FAM162B: variants seen among roughly 807,000 people sequenced by gnomAD.
The protein encoded by FAM162B is protein FAM162B.
Under a neutral mutation model 20.0 loss-of-function variants are expected in FAM162B, and 16 were observed. That is an observed-to-expected ratio of 0.80 (90% CI 0.54 to 1.21). FAM162B has a LOEUF of 1.21. Ranked by LOEUF, FAM162B falls within the 50% of genes most tolerant of loss-of-function variation. The pLI is 0.00. For synonymous variants in FAM162B, 83 were observed against 89.7 expected, an observed-to-expected ratio of 0.93 and a Z score of 0.42; for missense variants, 260 against 227.5, an observed-to-expected ratio of 1.14 and a Z score of -0.92.
At chr6:116,757,754 CAAA>C (rs36020350) in intron 3 of FAM162B, among the ~76,000 whole-genome samples, 23 of 103,124 alleles carry the variant, frequency 2.2e-4, no homozygotes, top group Admixed American at 2.3e-4. Flanking sequence ...CCTCCTCCAC[CAAA>C]AAAAAAAAAA....
chr6:116,754,819 A>C (rs1780035379), intron 3 of FAM162B, among the ~76,000 whole-genome samples: 1 of 152,184 alleles, frequency 6.6e-6, no homozygotes, highest in Non-Finnish European at 1.5e-5. Flanking sequence ...TAATTTTTGC[A>C]ATATTTCAAA....
chr6:116,760,732 T>G (rs183554258), intron 3 of FAM162B, among the ~76,000 whole-genome samples: 1 of 152,322 alleles, frequency 6.6e-6, no homozygotes, highest in East Asian at 1.9e-4. Context: ...TCAAAATTTC[T>G]CATTTGGTGA....
chr6:116,764,354 C>T (rs1219989906), intron 2 of FAM162B, among the ~76,000 whole-genome samples: 1 of 151,984 alleles, frequency 6.6e-6, no homozygotes, highest in Admixed American at 6.6e-5. Flanking sequence ...TTTTAGTTTC[C>T]GTCCCTCTCT....
At chr6:116,753,987 G>A (rs1780024164) in intron 3 of FAM162B, among the ~76,000 whole-genome samples, 1 of 152,192 alleles carries the variant, frequency 6.6e-6, no homozygotes, top group Admixed American at 6.5e-5. Flanking sequence ...TCACTTCAGA[G>A]CTTCTGAGGA....
chr6:116,765,119 T>A, intron 2 of FAM162B, 28 bp downstream of exon 2: 1 of 1,606,584 alleles, frequency 6.2e-7, no homozygotes. Flanking sequence ...GGACCGACTC[T>A]CCTTCGCGCG....
chr6:116,762,286 T>C (rs550676310), intron 2 of FAM162B, among the ~76,000 whole-genome samples: 1 of 152,324 alleles, frequency 6.6e-6, no homozygotes, highest in African/African-American at 2.4e-5. Flanking sequence ...ATTCAGATCT[T>C]AAATTAATGT....
At position 116,765,497 on chromosome 6, in the gene FAM162B, G is replaced by A. The variant is rs1376027204; in HGVS notation, c.80C>T (p.Ala27Val). ...AAGAGCCGGTGCGGGCCGTCGCGTG[G>A]CCTCGAGAGGCGCCCCGGGGCCGCA... Reference protein sequence around the residue: ...VRCGPGAPLEATRRPAPALPP... With the variant: ...VRCGPGAPLEVTRRPAPALPP... Residue 27 changes from alanine (A) to valine (V), a missense_variant, in exon 1 of 4, where the codon GCC becomes GTC. Coordinates refer to ENST00000368557, the MANE Select transcript of FAM162B (RefSeq NM_001085480.3). 4.3e-6 allele frequency: 6 copies of A among 1,403,110 alleles called. No individual in the cohort carries two copies. In the South Asian group the frequency reaches 6.4e-5, roughly 15 times the overall value. The allele number at this position is 1,403,110 out of a possible 1,614,324, so 86.9% of individuals were successfully genotyped here. A position where few individuals can be genotyped will look rare whatever the true frequency, so the allele number is the denominator to read the frequency against.
chr6:116,756,171 G>A (rs1369390654), intron 3 of FAM162B, among the ~76,000 whole-genome samples: 1 of 152,140 alleles, frequency 6.6e-6, no homozygotes. Flanking sequence ...CTGGAAAGGA[G>A]TCACCATTCT....
At chr6:116,756,485 A>G (rs1213515806) in intron 3 of FAM162B, among the ~76,000 whole-genome samples, 4 of 152,246 alleles carry the variant, frequency 2.6e-5, no homozygotes, top group Non-Finnish European at 5.9e-5. Flanking sequence ...TGTTGTGAAC[A>G]TTGGTGAAAT....
chr6:116,758,832 T>A (rs376028951), intron 3 of FAM162B, among the ~76,000 whole-genome samples: 42 of 152,346 alleles, frequency 2.8e-4, no homozygotes, highest in African/African-American at 8.7e-4. Flanking sequence ...ATATATTAAA[T>A]CCCTATGTAG....
intron 3 of FAM162B, among the ~76,000 whole-genome samples, chr6:116,757,917 T>C (rs1342899259): frequency 6.6e-6 from 1 of 152,084 alleles, no homozygotes; most frequent in Non-Finnish European, 1.5e-5. Context: ...TCAGAGACAG[T>C]GTATATAGAC....
At position 116,765,400 on chromosome 6, in the gene FAM162B, C is replaced by A. The variant is rs1218419904; in HGVS notation, c.172+5G>T. On this transcript the variant is annotated splice_donor_5th_base_variant and intron_variant, in intron 1 of 3. Transcript: ENST00000368557. ...CAGGACCTCCCCGTCGGAGCCCTGG[C>A]TCACCGTGACCTTGGGGCCCAGAAT... The A allele has an allele frequency of 1.4e-6, 2 of 1,469,518 alleles. No homozygotes were observed. Among genetic ancestry groups the A allele is most frequent in the African/African-American group, 2.8e-5 (2 of 70,500 alleles). The allele number at this position is 1,469,518 out of a possible 1,614,324, so 91.0% of individuals were successfully genotyped here.
chr6:116,761,741 C>T (rs909175681), intron 3 of FAM162B, among the ~76,000 whole-genome samples: 3 of 146,444 alleles, frequency 2.0e-5, no homozygotes, highest in Non-Finnish European at 4.5e-5. Flanking sequence ...TATACACACA[C>T]ACACACACAC....
intron 3 of FAM162B, among the ~76,000 whole-genome samples, chr6:116,753,544 A>G (rs1780015767): frequency 6.6e-6 from 1 of 152,154 alleles, no homozygotes; most frequent in Non-Finnish European, 1.5e-5. Context: ...TGAGAGGAGG[A>G]AAACAGTACA....
At chr6:116,753,557 A>G (rs1406215112) in intron 3 of FAM162B, among the ~76,000 whole-genome samples, 1 of 152,152 alleles carries the variant, frequency 6.6e-6, no homozygotes, top group Non-Finnish European at 1.5e-5. Flanking sequence ...ACAGTACAGA[A>G]AAGGGTGGCT....
Position 116,765,243 on chromosome 6 carries a change from C to G in FAM162B, c.185G>C (p.Arg62Pro), listed in dbSNP as rs759517674. Reference sequence around the variant, plus strand: ...CGAAGGCCTGCGCTGCGTGGGGACTCGGTGAATCTCCCCTGCAGCGAAAGC... The same window carrying G: ...CGAAGGCCTGCGCTGCGTGGGGACTGGGTGAATCTCCCCTGCAGCGAAAGC... ...SGPQGHGEIH[R>P]VPTQRRPSQF... The change falls in exon 2 of 4, where the codon CGA (arginine) becomes CCA (proline). Residue 62 changes from arginine to proline, a missense_variant. Physicochemically the swap from Arg to Pro is moderately radical, Grantham distance 103. Coordinates refer to ENST00000368557, the MANE Select transcript of FAM162B (RefSeq NM_001085480.3). 97 of 1,613,538 alleles carry G rather than the reference C, an allele frequency of 6.0e-5. 1 individual carries two copies. The highest frequency in any genetic ancestry group is 8.1e-5 in the Non-Finnish European group (95 of 1,179,916).
chr6:116,756,679 A>T (rs945419465), intron 3 of FAM162B, among the ~76,000 whole-genome samples: 2 of 152,196 alleles, frequency 1.3e-5, no homozygotes, highest in Non-Finnish European at 2.9e-5. Flanking sequence ...CTTCATTGTC[A>T]TCTTATTTTA....
chr6:116,765,241 C>A lies in FAM162B; in HGVS notation c.187G>T (p.Val63Phe), dbSNP rs1244461737. ...GPQGHGEIHR[V>F]PTQRRPSQFD... ...TGCGAAGGCCTGCGCTGCGTGGGGA[C>A]TCGGTGAATCTCCCCTGCAGCGAAA... Residue 63 changes from valine (V) to phenylalanine (F), a missense_variant, in exon 2 of 4, where the codon GTC (valine) becomes TTC (phenylalanine). Coordinates refer to ENST00000368557, the MANE Select transcript of FAM162B (RefSeq NM_001085480.3). 2 of 1,613,598 alleles carry A rather than the reference C, an allele frequency of 1.2e-6. No individual in the cohort carries two copies. Among genetic ancestry groups the A allele is most frequent in the East Asian group, 4.5e-5 (2 of 44,844 alleles).
Position 116,765,200 on chromosome 6 carries a change from G to A in FAM162B, c.228C>T (p.Ile76=). The A allele has an allele frequency of 6.2e-7, 1 of 1,613,926 alleles. No individual in the cohort carries two copies. Among genetic ancestry groups the A allele is most frequent in the Non-Finnish European group, 8.5e-7 (1 of 1,179,970 alleles). ...QRRPSQFDKK[I]LLWTGRFKSM... ...ATTTGAAACGCCCTGTCCACAGCAG[G>A]ATTTTCTTGTCGAACTGCGAAGGCC... The change falls in exon 2 of 4, where the codon ATC becomes ATT. Residue 76 remains isoleucine (I), a synonymous_variant. Coordinates refer to ENST00000368557, the MANE Select transcript of FAM162B (RefSeq NM_001085480.3).
Sources: gnomAD v4.1 joint callset for allele counts (sites outside exome capture counted in the v4.1 genomes callset) on GRCh38, gnomAD v4.1.1 for gene constraint, MANE v1.5 for transcripts, NCBI Gene and HGNC (gene_info 2026-07-23, HGNC 2026-07-21) for gene names.